The following FBLN7 variants were observed in gnomAD, a reference collection of about 807,000 sequenced individuals.
FBLN7 encodes the protein fibulin-7.
A neutral mutation model predicts 44.0 loss-of-function variants in FBLN7; 31 were observed. The ratio of observed to expected loss-of-function variants is 0.70; its 90% CI spans 0.53 to 0.95. The LOEUF is 0.95. Ranked by LOEUF, FBLN7 falls within the 40% of genes least tolerant of loss-of-function variation. FBLN7 has a pLI of 0.00. For missense variants in FBLN7, 573 were observed against 618.5 expected, an observed-to-expected ratio of 0.93 and a Z score of 0.78; for synonymous variants, 262 against 253.4, an observed-to-expected ratio of 1.03 and a Z score of -0.32.
chr2:112,140,432 G>C (rs1003127299), intron 1 of FBLN7, among the ~76,000 whole-genome samples: 7 of 152,236 alleles, frequency 4.6e-5, no homozygotes, highest in African/African-American at 1.4e-4. Flanking sequence ...TGCCTGGGTT[G>C]AGAGCTCGGA....
the FBLN7 span, among the ~76,000 whole-genome samples, chr2:112,203,608 G>C: frequency 6.6e-6 from 1 of 152,128 alleles, no homozygotes; most frequent in African/African-American, 2.4e-5. Flanking sequence ...ATGCTCCCAT[G>C]CATAAACAGT....
At chr2:112,211,238 T>A in the FBLN7 span, among the ~76,000 whole-genome samples, 1 of 152,162 alleles carries the variant, frequency 6.6e-6, no homozygotes, top group Non-Finnish European at 1.5e-5. Context: ...TTTTTTAGAG[T>A]CAAAATCAAC....
chr2:112,149,138 C>T (rs1282316388), intron 1 of FBLN7, among the ~76,000 whole-genome samples: 1 of 151,384 alleles, frequency 6.6e-6, no homozygotes, highest in Non-Finnish European at 1.5e-5. Context: ...CTCCACTTCT[C>T]CCTGGCACAT....
intron 4 of FBLN7, 119 bp from the exon 5 acceptor site, chr2:112,181,620 A>C (rs1309492250): frequency 8.3e-7 from 1 of 1,210,876 alleles, no homozygotes; most frequent in Non-Finnish European, 1.1e-6. Flanking sequence ...CCTACTCCAG[A>C]GTAAGCCCTT....
At chr2:112,242,203 G>A in the FBLN7 span, among the ~76,000 whole-genome samples, 3 of 152,150 alleles carry the variant, frequency 2.0e-5, no homozygotes, top group Non-Finnish European at 4.4e-5. Context: ...GGCAAAATCC[G>A]CTCTGCCACC....
the FBLN7 span, among the ~76,000 whole-genome samples, chr2:112,197,182 T>G: frequency 6.6e-6 from 1 of 150,596 alleles, no homozygotes; most frequent in Non-Finnish European, 1.5e-5. Context: ...TCTTTGCAGA[T>G]GTAATTAGTT....
At chr2:112,178,608 A>G (rs1391883047) in intron 4 of FBLN7, among the ~76,000 whole-genome samples, 1 of 152,214 alleles carries the variant, frequency 6.6e-6, no homozygotes, top group Non-Finnish European at 1.5e-5. Context: ...CCTCAACAAA[A>G]TACTTGCAAA....
the FBLN7 span, among the ~76,000 whole-genome samples, chr2:112,194,916 T>C: frequency 1.3e-5 from 2 of 152,202 alleles, no homozygotes; most frequent in African/African-American, 4.8e-5. Context: ...CTTTGAACAA[T>C]GGTAGAAACA....
rs994891508 is a variant in FBLN7 at position 112,176,914 on chromosome 2, G to C, written c.532+1075G>C. ...TGAATGTTCTAAACCCCACTCTTTA[G>C]GGTTTCCTCCCACTGTGGGATTTTT... is the stretch of plus-strand genomic sequence containing the variant. On this transcript the variant is annotated intron_variant, in intron 4 of 7. Transcript: ENST00000331203. 4.7e-5 allele frequency: 7 copies of C among 149,096 alleles called. No homozygotes were observed. In the East Asian group the frequency reaches 1.2e-3, roughly 26 times the overall value. The allele number at this position is 149,096 out of a possible 1,614,324, so 9.2% of individuals were successfully genotyped here.
chr2:112,224,980 G>A, the FBLN7 span, among the ~76,000 whole-genome samples: 2 of 152,146 alleles, frequency 1.3e-5, no homozygotes, highest in African/African-American at 4.8e-5. Context: ...TCTCGGTTTT[G>A]TAATTTTCAG....
chr2:112,186,495 C>G (rs1683274816), intron 7 of FBLN7, among the ~76,000 whole-genome samples: 1 of 152,126 alleles, frequency 6.6e-6, no homozygotes, highest in South Asian at 2.1e-4. Flanking sequence ...CAAAAATTAG[C>G]TGGGCGTGGT....
chr2:112,205,855 A>C, the FBLN7 span, among the ~76,000 whole-genome samples: 2 of 152,202 alleles, frequency 1.3e-5, no homozygotes, highest in Non-Finnish European at 2.9e-5. Context: ...TACGTACAAA[A>C]AATTATTTGG....
chr2:112,233,240 T>A, the FBLN7 span: 1 of 1,345,646 alleles, frequency 7.4e-7, no homozygotes, highest in Non-Finnish European at 1.0e-6. Flanking sequence ...AAAGTCACCA[T>A]ATCTTGTGAT....
At chr2:112,171,832 T>C (rs1027701709) in intron 3 of FBLN7, among the ~76,000 whole-genome samples, 7 of 152,180 alleles carry the variant, frequency 4.6e-5, no homozygotes, top group African/African-American at 1.4e-4. Flanking sequence ...CTGCAAGCTC[T>C]GCCTCCTGGG....
intron 2 of FBLN7, among the ~76,000 whole-genome samples, chr2:112,160,090 A>C (rs1189434339): frequency 6.6e-6 from 1 of 152,084 alleles, no homozygotes; most frequent in Non-Finnish European, 1.5e-5. Context: ...TCCCGGGTTC[A>C]CGCCATTCTC....
chr2:112,157,797 A>C (rs1478617334), intron 1 of FBLN7, among the ~76,000 whole-genome samples: 1 of 152,042 alleles, frequency 6.6e-6, no homozygotes, highest in African/African-American at 2.4e-5. Flanking sequence ...ACAGGGTCTC[A>C]GTCTGTTGCC....
At chr2:112,191,733 C>T (rs1054611071), downstream of FBLN7, among the ~76,000 whole-genome samples, 2 of 152,122 alleles carry the variant, frequency 1.3e-5, no homozygotes, top group Non-Finnish European at 2.9e-5. Context: ...TGGAATGGTT[C>T]CCCTCTCTGT....
chr2:112,192,379 T>C (rs1291727078), downstream of FBLN7, among the ~76,000 whole-genome samples: 3 of 152,002 alleles, frequency 2.0e-5, no homozygotes, highest in African/African-American at 7.3e-5. Context: ...AAACCCTCCT[T>C]TGGAAGGACA....
the FBLN7 span, among the ~76,000 whole-genome samples, chr2:112,195,124 G>A: frequency 6.6e-6 from 1 of 152,338 alleles, no homozygotes; most frequent in Middle Eastern, 3.4e-3. Flanking sequence ...ACAAAACACA[G>A]CATTGGCCAG....
Sources: allele counts gnomAD v4.1 joint callset (sites outside exome capture counted in the v4.1 genomes callset), GRCh38; gene constraint gnomAD v4.1.1; transcripts MANE v1.5; gene names NCBI Gene and HGNC (gene_info 2026-07-23, HGNC 2026-07-21).